Variants in CALN1 observed in about 807,000 individuals in gnomAD.
The protein encoded by CALN1 is calcium-binding protein 8.
A neutral mutation model predicts 30.6 loss-of-function variants in CALN1; 17 were observed. The observed-to-expected ratio is 0.56, with a 90% CI of 0.38 to 0.83. CALN1 has a LOEUF of 0.83. Ranked by LOEUF, CALN1 falls within the 40% of genes least tolerant of loss-of-function variation. The pLI, the probability that CALN1 is intolerant of heterozygous loss-of-function variation, is 0.00. For missense variants in CALN1, 291 were observed against 354.9 expected (o/e 0.82, Z 1.45); for synonymous variants, 156 against 131.4 (o/e 1.19, Z -1.28).
chr7:72,351,051 G>GA (rs1475084469), intron 2 of CALN1, among the ~76,000 whole-genome samples: 10 of 152,150 alleles, frequency 6.6e-5, no homozygotes, highest in Non-Finnish European at 1.5e-4. Flanking sequence ...TGAAGCAGGA[G>GA]AATCACTGGA....
At chr7:71,803,088 G>A (rs529749551) in intron 6 of CALN1, among the ~76,000 whole-genome samples, 1 of 152,258 alleles carries the variant, frequency 6.6e-6, no homozygotes, top group East Asian at 1.9e-4. Flanking sequence ...ACGGGATTCA[G>A]AGATATCTGA....
At chr7:72,073,094 C>CTA (rs1488369291) in intron 4 of CALN1, among the ~76,000 whole-genome samples, 1 of 152,094 alleles carries the variant, frequency 6.6e-6, no homozygotes, top group East Asian at 1.9e-4. Flanking sequence ...CTGACATGTG[C>CTA]TACAATATGG....
intron 2 of CALN1, among the ~76,000 whole-genome samples, chr7:72,281,803 C>A (rs1797748223): frequency 6.6e-6 from 1 of 152,134 alleles, no homozygotes; most frequent in Non-Finnish European, 1.5e-5. Context: ...TTTTTACAGT[C>A]ATAATAAGGA....
intron 2 of CALN1, among the ~76,000 whole-genome samples, chr7:72,353,266 T>C (rs890288537): frequency 6.6e-6 from 1 of 152,126 alleles, no homozygotes. Context: ...CTCTCTGTTA[T>C]CAAAATCAAA....
chr7:72,286,564 G>A (rs1798092758), intron 2 of CALN1, among the ~76,000 whole-genome samples: 1 of 152,172 alleles, frequency 6.6e-6, no homozygotes, highest in Non-Finnish European at 1.5e-5. Flanking sequence ...GCTACATGGT[G>A]GGCACAAGAA....
intron 2 of CALN1, among the ~76,000 whole-genome samples, chr7:72,321,252 G>A (rs907305981): frequency 6.6e-6 from 1 of 152,204 alleles, no homozygotes; most frequent in East Asian, 1.9e-4. Flanking sequence ...GAGCCGGGCA[G>A]GAAACCGTCC....
chr7:72,300,320 T>C (rs1017842117), intron 2 of CALN1, among the ~76,000 whole-genome samples: 29 of 152,092 alleles, frequency 1.9e-4, no homozygotes, highest in African/African-American at 7.0e-4. Context: ...CCTTTGACCC[T>C]GTAACTCTAT....
chr7:72,017,550 G>C (rs929076114), intron 5 of CALN1, among the ~76,000 whole-genome samples: 2 of 152,166 alleles, frequency 1.3e-5, no homozygotes, highest in African/African-American at 4.8e-5. Context: ...CTTGCAGAAT[G>C]GCTCCCTGGA....
chr7:71,792,460 C>T (rs1786624810), intron 6 of CALN1, among the ~76,000 whole-genome samples: 1 of 152,152 alleles, frequency 6.6e-6, no homozygotes, highest in Admixed American at 6.5e-5. Flanking sequence ...TTCTTCTTGC[C>T]GATTGAAGCT....
At chr7:72,026,280 A>G (rs1801047883) in intron 4 of CALN1, among the ~76,000 whole-genome samples, 1 of 152,078 alleles carries the variant, frequency 6.6e-6, no homozygotes, top group South Asian at 2.1e-4. Flanking sequence ...TGGATCTAAC[A>G]ATGCACTTAA....
At chr7:72,496,881 A>G in the CALN1 span, among the ~76,000 whole-genome samples, 1 of 152,268 alleles carries the variant, frequency 6.6e-6, no homozygotes, top group South Asian at 2.1e-4. Context: ...TTATTAAGCT[A>G]AAGTTTTATT....
intron 3 of CALN1, among the ~76,000 whole-genome samples, chr7:72,211,025 G>A (rs1585175419): frequency 6.6e-6 from 1 of 152,200 alleles, no homozygotes; most frequent in African/African-American, 2.4e-5. Flanking sequence ...CTGCACTCTA[G>A]CCTGGATGAC....
chr7:72,206,174 C>T (rs1306201110), intron 3 of CALN1, among the ~76,000 whole-genome samples: 1 of 152,124 alleles, frequency 6.6e-6, no homozygotes, highest in African/African-American at 2.4e-5. Flanking sequence ...ATTTTAGAAA[C>T]ATTTTGTCAC....
intron 5 of CALN1, among the ~76,000 whole-genome samples, chr7:71,962,569 T>A (rs1468557470): frequency 1.3e-5 from 2 of 152,230 alleles, no homozygotes; most frequent in African/African-American, 4.8e-5. Flanking sequence ...TTTCCCCTCA[T>A]CTCAACCTTT....
intron 2 of CALN1, among the ~76,000 whole-genome samples, chr7:72,384,022 T>A (rs906305736): frequency 6.6e-6 from 1 of 152,222 alleles, no homozygotes. Flanking sequence ...CAGCACTATT[T>A]ACAATAGCAA....
intron 4 of CALN1, among the ~76,000 whole-genome samples, chr7:72,044,276 G>A (rs1238706392): frequency 6.6e-6 from 1 of 152,164 alleles, no homozygotes; most frequent in Non-Finnish European, 1.5e-5. Context: ...TGTGCTCAGA[G>A]CTGAAGCCCA....
chr7:71,787,661 G>T lies in CALN1; in HGVS notation c.*114C>A. 3 of 1,441,460 alleles carry T rather than the reference G, an allele frequency of 2.1e-6. No individual in the cohort carries two copies. The South Asian group carries it at 4.0e-5, about 19-fold the overall frequency. 89.3% of individuals were successfully genotyped at this position (1,441,460 alleles called of 1,614,324 possible). ...GGGTTCTTTACTGAACGGTTCCATC[G>T]TCCGCATCCATCCATAGTCCATAGG... is the stretch of plus-strand genomic sequence containing the variant. On this transcript the variant is annotated 3_prime_UTR_variant, in exon 7 of 7. Transcript: ENST00000395275.
chr7:72,133,937 GT>G (rs1201528424), intron 3 of CALN1, among the ~76,000 whole-genome samples: 3 of 152,228 alleles, frequency 2.0e-5, no homozygotes, highest in Non-Finnish European at 4.4e-5. Context: ...AAATGCTACA[GT>G]TTGAGTATGT....
chr7:72,202,853 G>C (rs1348146335), intron 3 of CALN1, among the ~76,000 whole-genome samples: 1 of 152,128 alleles, frequency 6.6e-6, no homozygotes, highest in Non-Finnish European at 1.5e-5. Flanking sequence ...TACCCAAAGG[G>C]TTATAAATCA....
Sources: gnomAD v4.1 joint callset for allele counts (sites outside exome capture counted in the v4.1 genomes callset) on GRCh38, gnomAD v4.1.1 for gene constraint, MANE v1.5 for transcripts, NCBI Gene and HGNC (gene_info 2026-07-23, HGNC 2026-07-21) for gene names.